LEF1: variants seen among roughly 807,000 people sequenced by gnomAD.
LEF1 encodes the protein lymphoid enhancer binding factor 1, also known as lymphoid enhancer-binding factor 1.
Under a neutral mutation model 51.2 loss-of-function variants are expected in LEF1, and 14 were observed. The ratio of observed to expected loss-of-function variants is 0.27; its 90% CI spans 0.18 to 0.43. The LOEUF (loss-of-function observed/expected upper bound fraction) is 0.43, where lower values mean the gene tolerates loss of function less well. LEF1 is among the 20% of genes least tolerant of loss of function. LEF1 has a pLI of 1.00. For missense variants in LEF1, 386 were observed against 512.0 expected (o/e 0.75, Z 2.37); for synonymous variants, 185 against 183.2 (o/e 1.01, Z -0.08).
At chr4:108,132,770 A>G (rs768227936) in intron 3 of LEF1, among the ~76,000 whole-genome samples, 2 of 140,140 alleles carry the variant, frequency 1.4e-5, no homozygotes, top group Non-Finnish European at 3.0e-5. Context: ...CCAGGCTCCA[A>G]CCATCCTCCC....
chr4:108,107,266 G>GTTTTTTT (rs77205957), intron 3 of LEF1, among the ~76,000 whole-genome samples: 1 of 141,526 alleles, frequency 7.1e-6, no homozygotes. Flanking sequence ...AGAGAAAGGT[G>GTTTTTTT]TTTTTTTTTT....
At chr4:108,123,432 GTTTTT>G (rs34015287) in intron 3 of LEF1, among the ~76,000 whole-genome samples, 5 of 72,370 alleles carry the variant, frequency 6.9e-5, no homozygotes, top group African/African-American at 1.9e-4. Flanking sequence ...GCTAGGGTTG[GTTTTT>G]TTTTTTTTTT....
At chr4:108,156,347 T>G (rs1374854005) in intron 3 of LEF1, among the ~76,000 whole-genome samples, 1 of 152,132 alleles carries the variant, frequency 6.6e-6, no homozygotes, top group African/African-American at 2.4e-5. Context: ...ACTTCCTCAT[T>G]AAAAACACTG....
intron 3 of LEF1, among the ~76,000 whole-genome samples, chr4:108,119,993 ATGTGTGTGTGTGTGTGTGTG>A (rs34987010): frequency 2.7e-5 from 4 of 149,596 alleles, no homozygotes; most frequent in South Asian, 2.1e-4. Context: ...TATTTTATAT[ATGTGTGTGTGTGTGTGTGTG>A]TGTGTGTGTG....
At chr4:108,084,808 T>TG (rs199976714) in intron 4 of LEF1, among the ~76,000 whole-genome samples, 1 of 151,770 alleles carries the variant, frequency 6.6e-6, no homozygotes, top group South Asian at 2.1e-4. Context: ...AGGATTTTTT[T>TG]GGGGTGGGGG....
At chr4:108,133,072 C>G (rs1344465957) in intron 3 of LEF1, among the ~76,000 whole-genome samples, 1 of 152,086 alleles carries the variant, frequency 6.6e-6, no homozygotes, top group Non-Finnish European at 1.5e-5. Flanking sequence ...CTCCCAGGTT[C>G]AAGCGCTTCT....
intron 3 of LEF1, among the ~76,000 whole-genome samples, chr4:108,128,423 A>T (rs1578376199): frequency 6.6e-6 from 1 of 152,332 alleles, no homozygotes; most frequent in East Asian, 1.9e-4. Context: ...ACTTCATAAA[A>T]GCTTGGCAAG....
chr4:108,136,320 G>A (rs1743262391), intron 3 of LEF1, among the ~76,000 whole-genome samples: 2 of 152,070 alleles, frequency 1.3e-5, no homozygotes. Flanking sequence ...TCTACTATAT[G>A]CGTATTCCCC....
At chr4:108,091,979 TAA>T (rs1740054775) in intron 3 of LEF1, among the ~76,000 whole-genome samples, 1 of 152,090 alleles carries the variant, frequency 6.6e-6, no homozygotes, top group African/African-American at 2.4e-5. Flanking sequence ...TTATAAAGAG[TAA>T]ACACTGTGGA....
intron 1 of LEF1, chr4:108,166,720 G>A: frequency 2.0e-6 from 2 of 990,958 alleles, no homozygotes; most frequent in South Asian, 9.3e-5. Context: ...TGCAGGACTA[G>A]TGCCCGGCTT....
At chr4:108,112,449 C>T (rs1345334009) in intron 3 of LEF1, among the ~76,000 whole-genome samples, 2 of 152,212 alleles carry the variant, frequency 1.3e-5, no homozygotes. Context: ...CACCCATGGG[C>T]ACACAGCCAT....
intron 3 of LEF1, among the ~76,000 whole-genome samples, chr4:108,120,487 G>C (rs1198525392): frequency 3.3e-5 from 5 of 152,190 alleles, no homozygotes; most frequent in Non-Finnish European, 7.3e-5. Flanking sequence ...TATTTTAATA[G>C]CTTTTTAAGA....
intron 3 of LEF1, among the ~76,000 whole-genome samples, chr4:108,162,068 T>C (rs1214035536): frequency 2.0e-5 from 3 of 152,330 alleles, no homozygotes; most frequent in African/African-American, 7.2e-5. Flanking sequence ...TTGAGGGGCC[T>C]CTAAATATTA....
chr4:108,060,549 C>T (rs901851244), intron 11 of LEF1, among the ~76,000 whole-genome samples: 4 of 152,180 alleles, frequency 2.6e-5, no homozygotes, highest in East Asian at 3.9e-4. Flanking sequence ...CATAACGTGA[C>T]GCTCTGTTCC....
intron 3 of LEF1, among the ~76,000 whole-genome samples, chr4:108,094,997 A>C (rs1397232083): frequency 6.6e-6 from 1 of 152,216 alleles, no homozygotes; most frequent in African/African-American, 2.4e-5. Flanking sequence ...TCTTGCATCT[A>C]GACCTCAGAA....
At chr4:108,166,436 G>A (rs1745399933) in intron 1 of LEF1, 1 of 1,410,414 alleles carries the variant, frequency 7.1e-7, no homozygotes, top group Non-Finnish European at 9.2e-7. Context: ...GAGGGAAAAG[G>A]CGTTGGTTAA....
rs950954057 is a variant in LEF1, at chr4:108,061,090, G to C, written c.*6+2533C>G. On this transcript the variant is annotated intron_variant, in intron 11 of 11. Transcript: ENST00000265165. ...GTCTCCAAACTCGGATGGTGTGCAG[G>C]GCAGTGACTTCAAAGGCTGCATGAC... Among the ~76,000 whole-genome samples, 13 of 152,192 alleles carry C rather than the reference G, an allele frequency of 8.5e-5. No homozygotes were observed. The East Asian group carries it at 2.5e-3, about 29-fold the overall frequency.
intron 2 of LEF1, among the ~76,000 whole-genome samples, chr4:108,163,964 A>G (rs1313725704): frequency 1.3e-5 from 2 of 152,224 alleles, no homozygotes; most frequent in Non-Finnish European, 2.9e-5. Flanking sequence ...TACAAAAATA[A>G]GTGTTATCCA....
At chr4:108,117,233 C>T (rs1741895782) in intron 3 of LEF1, among the ~76,000 whole-genome samples, 1 of 152,084 alleles carries the variant, frequency 6.6e-6, no homozygotes, top group Non-Finnish European at 1.5e-5. Flanking sequence ...ATTATACCTT[C>T]ACATATAAAC....
Sources: allele counts gnomAD v4.1 joint callset (sites outside exome capture counted in the v4.1 genomes callset), GRCh38; gene constraint gnomAD v4.1.1; transcripts MANE v1.5; gene names NCBI Gene and HGNC (gene_info 2026-07-23, HGNC 2026-07-21).